CCDC102B: variants seen among roughly 807,000 people sequenced by gnomAD.
CCDC102B encodes the protein coiled-coil domain-containing protein 102B.
A neutral mutation model predicts 57.4 loss-of-function variants in CCDC102B; 75 were observed. The observed-to-expected ratio is 1.31, with a 90% CI of 1.08 to 1.58. The LOEUF (loss-of-function observed/expected upper bound fraction) is 1.58, where lower values mean the gene tolerates loss of function less well. Among genes scored for constraint, CCDC102B ranks in the 40% most tolerant of loss-of-function variants. The pLI, the probability that CCDC102B is intolerant of heterozygous loss-of-function variation, is 0.00. For synonymous variants in CCDC102B, 206 were observed against 201.9 expected (o/e 1.02, Z -0.17); for missense variants, 636 against 582.6 (o/e 1.09, Z -0.94).
At chr18:68,797,756 G>GTT (rs2035681541), upstream of CCDC102B, among the ~76,000 whole-genome samples, 71 of 108,306 alleles carry the variant, frequency 6.6e-4, no homozygotes, top group African/African-American at 2.0e-3. Context: ...TACTTCCTGG[G>GTT]CTTTTTTTTT....
At chr18:69,012,724 A>G (rs1299297359) in intron 7 of CCDC102B, among the ~76,000 whole-genome samples, 2 of 152,132 alleles carry the variant, frequency 1.3e-5, no homozygotes, top group African/African-American at 2.4e-5. Flanking sequence ...TCCTGAAATT[A>G]AGAGGACATA....
chr18:68,998,999 T>TATATATATATAG (rs2051122947), intron 6 of CCDC102B, among the ~76,000 whole-genome samples: 1 of 43,336 alleles, frequency 2.3e-5, no homozygotes, highest in African/African-American at 7.9e-5. Context: ...TATATATATA[T>TATATATATATAG]AGAGAGAGAG....
chr18:68,981,833 A>G (rs2050591188), intron 6 of CCDC102B, among the ~76,000 whole-genome samples: 2 of 152,004 alleles, frequency 1.3e-5, no homozygotes, highest in African/African-American at 4.8e-5. Context: ...GAGTGACAAC[A>G]GGCGGTGTTG....
chr18:68,897,191 G>C (rs1217002455), intron 5 of CCDC102B, 28 bp from the exon 6 acceptor site: 1 of 1,580,576 alleles, frequency 6.3e-7, no homozygotes, highest in Non-Finnish European at 8.6e-7. Context: ...AATGCTGCAT[G>C]CTGCTTCTTT....
intron 3 of CCDC102B, among the ~76,000 whole-genome samples, chr18:68,840,623 A>T (rs1323583541): frequency 6.6e-6 from 1 of 152,220 alleles, no homozygotes; most frequent in African/African-American, 2.4e-5. Flanking sequence ...CTAGCCCTAT[A>T]CATTTCAGTC....
At chr18:68,902,713 C>T (rs2040498083) in intron 6 of CCDC102B, among the ~76,000 whole-genome samples, 1 of 152,152 alleles carries the variant, frequency 6.6e-6, no homozygotes, top group Admixed American at 6.5e-5. Flanking sequence ...CTTCTCTGGT[C>T]TCATTTGTTG....
chr18:68,827,888 A>G (rs559793474), intron 1 of CCDC102B, among the ~76,000 whole-genome samples: 1 of 152,118 alleles, frequency 6.6e-6, no homozygotes, highest in South Asian at 2.1e-4. Context: ...TAGTTTTTAA[A>G]AAATACCTAA....
In CCDC102B at chr18:68,735,967, A is replaced by G. The variant is rs1428307059; in HGVS notation, c.-67+19373A>G. The stretch of plus-strand genomic sequence containing the variant: ...ATAAGGTTATGCAGGCAGGCTTGTC[A>G]GCAGCATTCTTTGTGAATCACTTTT... On this transcript the variant is annotated intron_variant, in intron 2 of 3. Transcript: ENST00000578970. 3.9e-5 allele frequency among the ~76,000 whole-genome samples: 6 copies of G among 152,350 alleles called. No homozygotes were observed. The East Asian group carries it at 9.6e-4, about 24-fold the overall frequency.
At chr18:69,037,021 G>GTA (rs1194768716) in intron 7 of CCDC102B, among the ~76,000 whole-genome samples, 1,037 of 69,522 alleles carry the variant, frequency 0.015, 14 homozygotes, top group East Asian at 0.13. Context: ...GTGTGGGGGT[G>GTA]TATATATACA....
At chr18:68,862,364 C>G (rs188199521) in intron 4 of CCDC102B, among the ~76,000 whole-genome samples, 19 of 152,270 alleles carry the variant, frequency 1.2e-4, no homozygotes, top group African/African-American at 4.3e-4. Flanking sequence ...GAAACAGGCA[C>G]TGAACCCTCA....
At chr18:68,800,111 T>G (rs1054204532) in intron 1 of CCDC102B, among the ~76,000 whole-genome samples, 1 of 152,120 alleles carries the variant, frequency 6.6e-6, no homozygotes, top group African/African-American at 2.4e-5. Context: ...GAACATTATT[T>G]TACACATTAT....
intron 6 of CCDC102B, among the ~76,000 whole-genome samples, chr18:68,998,987 TATATATATATATAGAGAGAGAG>T (rs1425227894): frequency 0.051 from 4,123 of 80,614 alleles, 65 homozygotes; most frequent in Non-Finnish European, 0.072. Flanking sequence ...TATATATATA[TATATATATATATAGAGAGAGAG>T]AGAGAGAGAG....
intron 2 of CCDC102B, among the ~76,000 whole-genome samples, chr18:68,792,970 C>T (rs1037380533): frequency 2.6e-5 from 4 of 152,218 alleles, no homozygotes; most frequent in African/African-American, 7.2e-5. Context: ...ATAATATTTT[C>T]TAGATTGATG....
At chr18:68,824,331 T>G (rs1486117440) in intron 1 of CCDC102B, among the ~76,000 whole-genome samples, 1 of 152,226 alleles carries the variant, frequency 6.6e-6, no homozygotes, top group African/African-American at 2.4e-5. Flanking sequence ...ATTGCTTGTT[T>G]TTGTTGGCTT....
chr18:68,833,516 C>T (rs1243821637), intron 1 of CCDC102B, among the ~76,000 whole-genome samples: 1 of 151,700 alleles, frequency 6.6e-6, no homozygotes, highest in Non-Finnish European at 1.5e-5. Context: ...AAAATGTATG[C>T]TTTGCCTGCA....
At chr18:68,893,339 T>A (rs2040142189) in intron 5 of CCDC102B, among the ~76,000 whole-genome samples, 1 of 152,166 alleles carries the variant, frequency 6.6e-6, no homozygotes, top group Non-Finnish European at 1.5e-5. Flanking sequence ...GTTATTTTAT[T>A]AAAAATCCTC....
chr18:68,715,667 C>T (rs1294551684), intron 1 of CCDC102B: 4 of 152,078 alleles, frequency 2.6e-5, no homozygotes, highest in East Asian at 3.9e-4. Context: ...TGAAGTTAAG[C>T]GTAGGATATT....
At chr18:68,720,927 C>T (rs552676870) in intron 2 of CCDC102B, among the ~76,000 whole-genome samples, 2 of 152,252 alleles carry the variant, frequency 1.3e-5, no homozygotes, top group East Asian at 3.9e-4. Context: ...TAAAAAGTAA[C>T]CAGGCATGTT....
intron 2 of CCDC102B, among the ~76,000 whole-genome samples, chr18:68,726,352 G>A (rs971195755): frequency 6.6e-6 from 1 of 152,120 alleles, no homozygotes; most frequent in African/African-American, 2.4e-5. Context: ...TATGCCTACA[G>A]CAACAAAAAA....
Sources: allele counts gnomAD v4.1 joint callset (sites outside exome capture counted in the v4.1 genomes callset), GRCh38; gene constraint gnomAD v4.1.1; transcripts MANE v1.5; gene names NCBI Gene and HGNC (gene_info 2026-07-23, HGNC 2026-07-21).